The following ACER2 variants were observed in gnomAD, a reference collection of about 807,000 sequenced individuals.
The protein encoded by ACER2 is alkCDase 2.
In ACER2, 26 loss-of-function variants were observed where a neutral mutation model predicts 34.7. The observed-to-expected ratio is 0.75, with a 90% CI of 0.55 to 1.04. ACER2 has a LOEUF of 1.04. Ranked by LOEUF, ACER2 falls within the 50% of genes least tolerant of loss-of-function variation. The pLI is 0.00. For missense variants in ACER2, 352 were observed against 340.8 expected (o/e 1.03, Z -0.26); for synonymous variants, 138 against 132.1 (o/e 1.04, Z -0.31).
At chr9:19,425,767 C>T (rs927131367) in intron 3 of ACER2, among the ~76,000 whole-genome samples, 9 of 152,078 alleles carry the variant, frequency 5.9e-5, no homozygotes, top group African/African-American at 1.9e-4. Context: ...GAGAAACGCT[C>T]CTGGAACACA....
intron 4 of ACER2, among the ~76,000 whole-genome samples, chr9:19,444,905 T>G (rs529305794): frequency 6.6e-6 from 1 of 152,354 alleles, no homozygotes; most frequent in African/African-American, 2.4e-5. Flanking sequence ...AAGAGTATTT[T>G]GATTTGTTTT....
intron 1 of ACER2, among the ~76,000 whole-genome samples, chr9:19,415,606 T>C (rs1830219904): frequency 6.6e-6 from 1 of 152,194 alleles, no homozygotes; most frequent in South Asian, 2.1e-4. Flanking sequence ...CTTCATGCCT[T>C]TGCAAATAAT....
intron 1 of ACER2, among the ~76,000 whole-genome samples, chr9:19,423,282 T>C (rs1430295347): frequency 1.3e-5 from 2 of 152,158 alleles, no homozygotes; most frequent in Admixed American, 6.5e-5. Flanking sequence ...AGAGAGGAGC[T>C]TGGGCAGCAT....
chr9:19,412,697 C>T (rs1472532345), intron 1 of ACER2, among the ~76,000 whole-genome samples: 2 of 150,540 alleles, frequency 1.3e-5, no homozygotes, highest in African/African-American at 2.4e-5. Flanking sequence ...GGCGTAATCA[C>T]GAATACTTGA....
At chr9:19,415,238 C>T (rs1276661168) in intron 1 of ACER2, among the ~76,000 whole-genome samples, 2 of 152,136 alleles carry the variant, frequency 1.3e-5, no homozygotes. Context: ...TGCCTGTAAT[C>T]CCAGCACTTT....
intron 3 of ACER2, among the ~76,000 whole-genome samples, chr9:19,431,215 T>TG (rs1428815961): frequency 4.6e-5 from 7 of 152,326 alleles, no homozygotes; most frequent in Middle Eastern, 3.4e-3. Flanking sequence ...TAATATGTAC[T>TG]GGGCACTGTG....
intron 3 of ACER2, among the ~76,000 whole-genome samples, chr9:19,431,308 G>C (rs1295307031): frequency 1.3e-5 from 2 of 152,088 alleles, no homozygotes; most frequent in East Asian, 3.9e-4. Flanking sequence ...ACTTGCCAAA[G>C]GTCTCACAGC....
At chr9:19,450,184 A>G (rs911929230) in intron 5 of ACER2, 14 of 985,252 alleles carry the variant, frequency 1.4e-5, no homozygotes, top group South Asian at 9.4e-5. Flanking sequence ...TTGAGGCCCA[A>G]AGGCATTTAT....
intron 4 of ACER2, among the ~76,000 whole-genome samples, chr9:19,437,911 T>C (rs1183772781): frequency 1.3e-5 from 2 of 152,240 alleles, no homozygotes; most frequent in African/African-American, 4.8e-5. Flanking sequence ...TATCTCCTTT[T>C]CTTCTCATCT....
intron 3 of ACER2, among the ~76,000 whole-genome samples, chr9:19,434,520 C>T (rs1428771664): frequency 3.3e-5 from 5 of 152,242 alleles, no homozygotes; most frequent in East Asian, 1.9e-4. Context: ...TCTGCAATCC[C>T]GGCACCTCAG....
At position 19,450,969 on chromosome 9, in the gene ACER2, CCCT is replaced by C; in HGVS notation, c.*342_*344del. 1 of 173,594 alleles carries C rather than the reference CCCT, an allele frequency of 5.8e-6. No individual in the cohort carries two copies. The highest frequency in any genetic ancestry group is 1.2e-5 in the Non-Finnish European group (1 of 81,448). 10.8% of individuals were successfully genotyped at this position (173,594 alleles called of 1,614,324 possible). On this transcript the variant is annotated 3_prime_UTR_variant, in exon 6 of 6. Coordinates refer to ENST00000340967, the MANE Select transcript of ACER2 (RefSeq NM_001010887.3). ...ATTTTGTGTAATTTTTAAAAAGGTC[CCCT>C]CCTCCTCCCTAATGTGTCTGTGGAC...
chr9:19,425,076 A>G (rs1289932226), intron 3 of ACER2, among the ~76,000 whole-genome samples: 1 of 152,172 alleles, frequency 6.6e-6, no homozygotes, highest in African/African-American at 2.4e-5. Context: ...AAAGTACATC[A>G]CCTCTCTGTA....
At chr9:19,425,677 G>A (rs545293812) in intron 3 of ACER2, among the ~76,000 whole-genome samples, 1 of 152,268 alleles carries the variant, frequency 6.6e-6, no homozygotes, top group African/African-American at 2.4e-5. Flanking sequence ...TTAGAGTTTG[G>A]TCAGAGAAAG....
chr9:19,413,122 A>G (rs1830137042), intron 1 of ACER2, among the ~76,000 whole-genome samples: 1 of 152,346 alleles, frequency 6.6e-6, no homozygotes, highest in East Asian at 1.9e-4. Context: ...CATACAAAAC[A>G]TTTTGCTTTG....
intron 1 of ACER2, among the ~76,000 whole-genome samples, chr9:19,423,021 A>G (rs1830451613): frequency 6.6e-6 from 1 of 150,656 alleles, no homozygotes; most frequent in Non-Finnish European, 1.5e-5. Flanking sequence ...TGTAAGAAAG[A>G]AACTCTGTCT....
At chr9:19,426,274 CTCTT>C (rs772040157) in intron 3 of ACER2, among the ~76,000 whole-genome samples, 73 of 145,132 alleles carry the variant, frequency 5.0e-4, no homozygotes, top group Admixed American at 1.0e-3. Flanking sequence ...TTCTTTCTTT[CTCTT>C]TCTTTCTTTC....
At chr9:19,410,051 G>T (rs1001170191) in intron 1 of ACER2, 1 of 660,302 alleles carries the variant, frequency 1.5e-6, no homozygotes, top group Non-Finnish European at 1.9e-6. Flanking sequence ...GAGACTTTGC[G>T]TGGTCATTTC....
rs140047079 is a variant in ACER2, at chr9:19,429,043, C to T, written c.365+4202C>T. On this transcript the variant is annotated intron_variant, in intron 3 of 5. Transcript: ENST00000340967. ...GACCTCATGATCCGCTCGCCTCGGC[C>T]TCCCAAAGTGCTGGGATTACAGGCA... Among the ~76,000 whole-genome samples the T allele has an allele frequency of 4.3e-3, 656 of 152,018 alleles. 4 individuals carry two copies. The highest frequency in any genetic ancestry group is 0.015 in the African/African-American group (632 of 41,460).
chr9:19,446,384 T>G lies in ACER2; in HGVS notation c.607T>G (p.Ser203Ala). The G allele has an allele frequency of 6.2e-7, 1 of 1,614,152 alleles. No homozygotes were observed. The highest frequency in any genetic ancestry group is 8.5e-7 in the Non-Finnish European group (1 of 1,180,036). Residue 203 changes from serine (S) to alanine (A), a missense_variant, in exon 5 of 6, where the codon TCA becomes GCA. Physicochemically the swap from Ser to Ala is moderately conservative, Grantham distance 99 (BLOSUM62 1). Transcript: ENST00000340967. Reference sequence around the variant, plus strand: ...TGACCGAGCTTTCTGCGAGCTGCTGTCATCCTTCAACTTCCCCTACCTGCA... The same window carrying G: ...TGACCGAGCTTTCTGCGAGCTGCTGGCATCCTTCAACTTCCCCTACCTGCA... ...ISDRAFCELL[S>A]SFNFPYLHCM...
Sources: gnomAD v4.1 joint callset for allele counts (sites outside exome capture counted in the v4.1 genomes callset) on GRCh38, gnomAD v4.1.1 for gene constraint, MANE v1.5 for transcripts, NCBI Gene and HGNC (gene_info 2026-07-23, HGNC 2026-07-21) for gene names.